The following CLMP variants were observed in gnomAD, a reference collection of about 807,000 sequenced individuals.
CLMP encodes CXADR-like membrane protein.
CLMP carries 27 observed loss-of-function variants against 45.2 expected under a neutral mutation model. The observed-to-expected ratio is 0.60, with a 90% CI of 0.44 to 0.82. The LOEUF (loss-of-function observed/expected upper bound fraction) is 0.82, where lower values mean the gene tolerates loss of function less well. Ranked by LOEUF, CLMP falls within the 40% of genes least tolerant of loss-of-function variation. The pLI, the probability that CLMP is intolerant of heterozygous loss-of-function variation, is 0.00. For synonymous variants in CLMP, 167 were observed against 171.4 expected (o/e 0.97, Z 0.20); for missense variants, 403 against 448.4 (o/e 0.90, Z 0.91).
chr11:123,083,078 T>G lies in CLMP; in HGVS notation c.679+7A>C. The stretch of plus-strand genomic sequence containing the variant: ...AAAATGAAACTAAAACCTCTTTGGA[T>G]GCTTACACTGTACAGTTACTCGCAC... On this transcript the variant is annotated splice_region_variant and intron_variant, in intron 5 of 6. Transcript: ENST00000448775. 6.2e-7 allele frequency: 1 copy of G among 1,613,872 alleles called. No individual in the cohort carries two copies. Among genetic ancestry groups the G allele is most frequent in the Non-Finnish European group, 8.5e-7 (1 of 1,179,960 alleles).
intron 1 of CLMP, among the ~76,000 whole-genome samples, chr11:123,117,078 A>G (rs1490849929): frequency 6.6e-6 from 1 of 152,194 alleles, no homozygotes; most frequent in Non-Finnish European, 1.5e-5. Context: ...GTGAAACACC[A>G]TCTCTACTAA....
At chr11:123,075,461 A>C (rs1340505363) in intron 5 of CLMP, among the ~76,000 whole-genome samples, 1 of 151,788 alleles carries the variant, frequency 6.6e-6, no homozygotes, top group Non-Finnish European at 1.5e-5. Context: ...ATCTCGGCTC[A>C]CTGCAAGCTC....
intron 1 of CLMP, among the ~76,000 whole-genome samples, chr11:123,140,133 G>A (rs76670758): frequency 0.025 from 3,831 of 152,322 alleles, 139 homozygotes; most frequent in African/African-American, 0.085. Flanking sequence ...GGATCGTAAA[G>A]TTGCATAGGC....
intron 1 of CLMP, among the ~76,000 whole-genome samples, chr11:123,186,924 T>C (rs192739655): frequency 3.3e-5 from 5 of 152,260 alleles, no homozygotes; most frequent in Admixed American, 3.3e-4. Context: ...AAGCCCCAAA[T>C]GCTGGTGCTG....
Position 123,166,718 on chromosome 11 carries a change from G to A in CLMP, c.28+28195C>T, listed in dbSNP as rs576669956. Among the ~76,000 whole-genome samples, 13 of 152,260 alleles carry A rather than the reference G, an allele frequency of 8.5e-5. No individual in the cohort carries two copies. The South Asian group carries it at 2.1e-3, about 24-fold the overall frequency. On this transcript the variant is annotated intron_variant, in intron 1 of 6. Transcript: ENST00000448775. ...GGAAATAGTTCAGGTTCTGTTGCAC[G>A]GCAGGGTGACTATGGTTGACAACAG... is the stretch of plus-strand genomic sequence containing the variant.
At chr11:123,150,203 C>T (rs1174567067) in intron 1 of CLMP, among the ~76,000 whole-genome samples, 1 of 59,976 alleles carries the variant, frequency 1.7e-5, no homozygotes, top group African/African-American at 8.2e-5. Context: ...ACACACTAAA[C>T]ACACACACAC....
At chr11:123,152,359 TA>T (rs1861347644) in intron 1 of CLMP, among the ~76,000 whole-genome samples, 1 of 151,676 alleles carries the variant, frequency 6.6e-6, no homozygotes, top group African/African-American at 2.4e-5. Context: ...CCGTCTCTAC[TA>T]AAAATACAAA....
intron 1 of CLMP, among the ~76,000 whole-genome samples, chr11:123,157,077 A>C (rs1045474089): frequency 6.6e-6 from 1 of 152,196 alleles, no homozygotes; most frequent in African/African-American, 2.4e-5. Context: ...TGAATTCCAA[A>C]ACAAAACTCA....
chr11:123,085,182 C>CTTT, intron 2 of CLMP, among the ~76,000 whole-genome samples: 1 of 136,996 alleles, frequency 7.3e-6, no homozygotes, highest in Admixed American at 7.3e-5. Flanking sequence ...GCCTCCCATT[C>CTTT]TTTTTTTTTT....
chr11:123,179,645 C>T lies in CLMP; in HGVS notation c.28+15268G>A, dbSNP rs73612488. Among the ~76,000 whole-genome samples, 631 of 152,308 alleles carry T rather than the reference C, an allele frequency of 4.1e-3. 3 individuals carry two copies. The highest frequency in any genetic ancestry group is 0.015 in the African/African-American group (604 of 41,560). On this transcript the variant is annotated intron_variant, in intron 1 of 6. Transcript: ENST00000448775. ...GCCCTGTAGTGGGAAGGGCCAGTGG[C>T]AACCAAGTACCAGTGATCCGCAGGG...
intron 1 of CLMP, among the ~76,000 whole-genome samples, chr11:123,123,199 A>G (rs1244416294): frequency 6.8e-6 from 1 of 147,510 alleles, no homozygotes; most frequent in Non-Finnish European, 1.5e-5. Context: ...AGGCACGTGA[A>G]CTCTGCAGAA....
chr11:123,098,101 CCTGGTCTCACA>C (rs1241596602), intron 1 of CLMP, 149 bp from the exon 2 acceptor site: 10 of 502,496 alleles, frequency 2.0e-5, no homozygotes, highest in African/African-American at 1.7e-4. Context: ...TACTAGAAGT[CCTGGTCTCACA>C]CTGGCTCCTC....
At chr11:123,124,038 A>G (rs1456920217) in intron 1 of CLMP, among the ~76,000 whole-genome samples, 1 of 152,130 alleles carries the variant, frequency 6.6e-6, no homozygotes, top group Non-Finnish European at 1.5e-5. Context: ...GGAGAGAGCG[A>G]TTCATTTGAT....
At chr11:123,103,461 A>AT (rs2135484797) in intron 1 of CLMP, among the ~76,000 whole-genome samples, 1 of 152,328 alleles carries the variant, frequency 6.6e-6, no homozygotes, top group Non-Finnish European at 1.5e-5. Context: ...AAACTGGAAC[A>AT]TTGTGGCGGG....
rs952329162 is a variant in CLMP, at chr11:123,150,563, A to G, written c.28+44350T>C. On this transcript the variant is annotated intron_variant, in intron 1 of 6. Transcript: ENST00000448775. ...AGCAAGGAAGGAAGGAAGGAAGGAAAGGAAGGAAGGAAGGAAGGAAAGGAA... is the reference window on the plus strand; with the variant it reads ...AGCAAGGAAGGAAGGAAGGAAGGAAGGGAAGGAAGGAAGGAAGGAAAGGAA... Among the ~76,000 whole-genome samples, 95 of 119,594 alleles carry G rather than the reference A, an allele frequency of 7.9e-4. 1 individual carries two copies. The highest frequency in any genetic ancestry group is 3.0e-3 in the African/African-American group (80 of 26,290). 78.5% of individuals were successfully genotyped at this position (119,594 alleles called of 152,430 possible). A position where few individuals can be genotyped will look rare whatever the true frequency, so the allele number is the denominator to read the frequency against.
intron 1 of CLMP, among the ~76,000 whole-genome samples, chr11:123,137,976 G>T (rs1338788232): frequency 6.6e-6 from 1 of 151,032 alleles, no homozygotes; most frequent in Non-Finnish European, 1.5e-5. Context: ...TTTTTAATTT[G>T]ACGAAATAGC....
chr11:123,129,225 G>A (rs1295780893), intron 1 of CLMP, among the ~76,000 whole-genome samples: 1 of 151,682 alleles, frequency 6.6e-6, no homozygotes, highest in Non-Finnish European at 1.5e-5. Flanking sequence ...AGCTACTCAG[G>A]AGGCTGAGGC....
rs142718219 is a variant in CLMP at position 123,086,956 on chromosome 11, C to T, written c.187-2243G>A. Among the ~76,000 whole-genome samples the T allele has an allele frequency of 1.8e-3, 270 of 152,154 alleles. 1 individual carries two copies. The highest frequency in any genetic ancestry group is 6.2e-3 in the African/African-American group (259 of 41,494). The stretch of plus-strand genomic sequence containing the variant: ...CAACTGTAATCCCAGCATTTTGGGA[C>T]GCCAAGGCAAGCAGATCACTTGAAG... On this transcript the variant is annotated intron_variant, in intron 2 of 6. Transcript: ENST00000448775.
chr11:123,180,630 G>T (rs186607630), intron 1 of CLMP, among the ~76,000 whole-genome samples: 3 of 151,580 alleles, frequency 2.0e-5, no homozygotes, highest in African/African-American at 7.3e-5. Context: ...ACTGATAAGT[G>T]TTAGGGAGAA....
Sources: allele counts gnomAD v4.1 joint callset (sites outside exome capture counted in the v4.1 genomes callset), GRCh38; gene constraint gnomAD v4.1.1; transcripts MANE v1.5; gene names NCBI Gene and HGNC (gene_info 2026-07-23, HGNC 2026-07-21).